The following KSR1 variants were observed in gnomAD, a reference collection of about 807,000 sequenced individuals.
KSR1 encodes kinase suppressor of ras.
In KSR1, 35 loss-of-function variants were observed where a neutral mutation model predicts 92.9. The observed-to-expected ratio is 0.38, with a 90% CI of 0.29 to 0.50. The LOEUF is 0.50. Ranked by LOEUF, KSR1 falls within the 20% of genes least tolerant of loss-of-function variation. The probability of loss-of-function intolerance (pLI) is 0.94; values close to 1 mark genes in which losing one functional copy is unlikely to be tolerated. For synonymous variants in KSR1, 467 were observed against 472.6 expected (o/e 0.99, Z 0.15); for missense variants, 972 against 1,158.5 (o/e 0.84, Z 2.34).
At chr17:27,609,006 C>T (rs550997308) in intron 15 of KSR1, among the ~76,000 whole-genome samples, 190 bp from the exon 16 acceptor site, 1 of 152,358 alleles carries the variant, frequency 6.6e-6, no homozygotes, top group South Asian at 2.1e-4. Flanking sequence ...AGCTCTGCTT[C>T]TTCACTGCTG....
At chr17:27,499,899 T>G (rs1597888865) in intron 1 of KSR1, among the ~76,000 whole-genome samples, 1 of 152,328 alleles carries the variant, frequency 6.6e-6, no homozygotes, top group East Asian at 1.9e-4. Flanking sequence ...GTACTGACTG[T>G]GGCAAGCACA....
At chr17:27,575,384 A>T (rs1662827237) in intron 2 of KSR1, among the ~76,000 whole-genome samples, 1 of 152,174 alleles carries the variant, frequency 6.6e-6, no homozygotes, top group Non-Finnish European at 1.5e-5. Flanking sequence ...GTAGACTGTC[A>T]TGGTGCCGGT....
intron 2 of KSR1, among the ~76,000 whole-genome samples, chr17:27,573,507 C>T (rs2072388095): frequency 6.6e-6 from 1 of 152,222 alleles, no homozygotes. Context: ...GTAGACTGCA[C>T]TTGTGCCAAT....
At chr17:27,617,258 CCAGCTCACA>C in intron 18 of KSR1, 28 bp from the exon 19 acceptor site, 2 of 1,578,976 alleles carry the variant, frequency 1.3e-6, no homozygotes, top group Non-Finnish European at 8.7e-7. Flanking sequence ...TCCCTCCCAG[CCAGCTCACA>C]CACCACTAAT....
In KSR1 at chr17:27,577,048, GT is replaced by G. The variant is rs11375064; in HGVS notation, c.373-432del. Reference sequence around the variant, plus strand: ...CTGCAGTGTTTGGTGAGGTTTTTTTGTTTTTTTTTTTTAAATCCTTCCTTTC... The same window carrying G: ...CTGCAGTGTTTGGTGAGGTTTTTTTGTTTTTTTTTTTAAATCCTTCCTTTC... On this transcript the variant is annotated intron_variant, in intron 2 of 20. Coordinates refer to ENST00000644974, the MANE Select transcript of KSR1 (RefSeq NM_001394583.1). The surrounding 1 kb of genome is among the most constrained non-coding windows in gnomAD (Gnocchi z 4.5). Among the ~76,000 whole-genome samples, 6 of 147,284 alleles carry G rather than the reference GT, an allele frequency of 4.1e-5. No individual in the cohort carries two copies. The highest frequency in any genetic ancestry group is 6.7e-5 in the Admixed American group (1 of 14,886).
intron 3 of KSR1, 68 bp from the exon 4 acceptor site, chr17:27,582,578 C>T: frequency 7.1e-7 from 1 of 1,418,418 alleles, no homozygotes; most frequent in Middle Eastern, 2.4e-4. Context: ...CATCTCTGGC[C>T]CCTAGCCATC....
At chr17:27,569,168 A>T (rs1386953615) in intron 2 of KSR1, among the ~76,000 whole-genome samples, 1 of 152,206 alleles carries the variant, frequency 6.6e-6, no homozygotes, top group African/African-American at 2.4e-5. Flanking sequence ...CGCATTTTGT[A>T]AAATGTTACA....
At chr17:27,607,226 A>G (rs2073782940) in intron 14 of KSR1, among the ~76,000 whole-genome samples, 1 of 152,170 alleles carries the variant, frequency 6.6e-6, no homozygotes, top group Non-Finnish European at 1.5e-5. Flanking sequence ...ACCAACCAAT[A>G]TTCTCTACCC....
intron 1 of KSR1, among the ~76,000 whole-genome samples, chr17:27,494,374 G>GGGAA (rs2068915979): frequency 6.6e-6 from 1 of 152,132 alleles, no homozygotes; most frequent in African/African-American, 2.4e-5. Context: ...TCAGGCCTGT[G>GGGAA]GGAAGGAAGG....
chr17:27,546,255 C>T (rs1420355814), intron 1 of KSR1, among the ~76,000 whole-genome samples: 2 of 152,170 alleles, frequency 1.3e-5, no homozygotes, highest in African/African-American at 2.4e-5. Flanking sequence ...GAGGGAAATA[C>T]GGTCCCTGCA....
In KSR1 at chr17:27,604,567, A is replaced by G. The variant is rs2073683900; in HGVS notation, c.1566-113A>G. ...TATCCACGCGGCCTTTCCCCTAGCCAGGTGTGAGTCAGAGTAAGTACCTTT... is the reference window on the plus strand; with the variant it reads ...TATCCACGCGGCCTTTCCCCTAGCCGGGTGTGAGTCAGAGTAAGTACCTTT... On this transcript the variant is annotated intron_variant, in intron 12 of 20. Transcript: ENST00000644974. 7 of 1,065,020 alleles carry G rather than the reference A, an allele frequency of 6.6e-6. 1 individual carries two copies. In the South Asian group the frequency reaches 9.0e-5, roughly 14 times the overall value. 66.0% of individuals were successfully genotyped at this position (1,065,020 alleles called of 1,614,324 possible).
intron 3 of KSR1, among the ~76,000 whole-genome samples, chr17:27,580,343 C>G (rs529403965): frequency 2.6e-5 from 4 of 152,268 alleles, no homozygotes; most frequent in South Asian, 4.1e-4. Context: ...CTGAGCAACT[C>G]CTGTCTAGTC....
At chr17:27,549,902 G>A (rs2071330033) in intron 1 of KSR1, among the ~76,000 whole-genome samples, 1 of 152,194 alleles carries the variant, frequency 6.6e-6, no homozygotes, top group African/African-American at 2.4e-5. Context: ...GCTAGGGTGT[G>A]ACTGAGCCCT....
chr17:27,490,455 G>C (rs536385988), intron 1 of KSR1, among the ~76,000 whole-genome samples: 4 of 152,300 alleles, frequency 2.6e-5, no homozygotes, highest in African/African-American at 7.2e-5. Flanking sequence ...ACCTTCGCCA[G>C]AGCAATCCCC....
At chr17:27,560,129 T>C (rs1405142266) in intron 2 of KSR1, among the ~76,000 whole-genome samples, 1 of 152,192 alleles carries the variant, frequency 6.6e-6, no homozygotes, top group African/African-American at 2.4e-5. Flanking sequence ...GGCGGGGCCC[T>C]GCCCCGCTCC....
intron 2 of KSR1, among the ~76,000 whole-genome samples, chr17:27,564,093 A>G (rs917523815): frequency 2.1e-5 from 3 of 140,978 alleles, no homozygotes; most frequent in African/African-American, 8.0e-5. Flanking sequence ...GGTTCAAGCT[A>G]TTCTCCTGTC....
chr17:27,484,188 A>T (rs1014638479), intron 1 of KSR1, among the ~76,000 whole-genome samples: 1 of 152,202 alleles, frequency 6.6e-6, no homozygotes, highest in Non-Finnish European at 1.5e-5. Context: ...TCCTTCGAGG[A>T]GGGTTCTGTC....
chr17:27,500,451 G>A (rs116760488), intron 1 of KSR1, among the ~76,000 whole-genome samples: 4,392 of 152,264 alleles, frequency 0.029, 220 homozygotes, highest in African/African-American at 0.1. Flanking sequence ...CTATGGAGGT[G>A]TGGTAGCCAG....
At chr17:27,479,063 T>TATATG in intron 1 of KSR1, among the ~76,000 whole-genome samples, 1 of 146,542 alleles carries the variant, frequency 6.8e-6, no homozygotes, top group Non-Finnish European at 1.5e-5. Context: ...CCTCCCTCCA[T>TATATG]CTATGCTCCT....
Sources: gnomAD v4.1 joint callset for allele counts (sites outside exome capture counted in the v4.1 genomes callset) on GRCh38, gnomAD v4.1.1 for gene constraint, Gnocchi (gnomAD v3.1) non-coding constraint, MANE v1.5 for transcripts, NCBI Gene and HGNC (gene_info 2026-07-23, HGNC 2026-07-21) for gene names.